The following DPH7 variants were observed in gnomAD, a reference collection of about 807,000 sequenced individuals.
The protein encoded by DPH7 is diphthine methyltransferase.
A neutral mutation model predicts 41.7 loss-of-function variants in DPH7; 44 were observed. The observed-to-expected ratio is 1.05, with a 90% CI of 0.83 to 1.36. DPH7 has a LOEUF of 1.36. DPH7 is among the 40% of genes most tolerant of loss of function. DPH7 has a pLI of 0.00. For synonymous variants in DPH7, 275 were observed against 238.0 expected (o/e 1.16, Z -1.43); for missense variants, 629 against 577.5 (o/e 1.09, Z -0.91).
chr9:137,574,988 C>T (rs1841129596), intron 3 of DPH7, 145 bp from the exon 4 acceptor site: 4 of 1,450,034 alleles, frequency 2.8e-6, no homozygotes, highest in African/African-American at 1.4e-5. Flanking sequence ...CACACCTCCA[C>T]CTAACACTGA....
intron 1 of DPH7, chr9:137,577,926 C>A (rs974191380): frequency 9.2e-6 from 9 of 977,750 alleles, no homozygotes; most frequent in Non-Finnish European, 1.1e-5. Flanking sequence ...TAATATGTAC[C>A]CACCAGAAGT....
At chr9:137,569,675 C>G (rs1840061392) in intron 5 of DPH7, among the ~76,000 whole-genome samples, 1 of 143,962 alleles carries the variant, frequency 6.9e-6, no homozygotes, top group Non-Finnish European at 1.5e-5. Flanking sequence ...ACCCACGACC[C>G]ACCACCCACC....
Position 137,555,659 on chromosome 9 carries a change from A to C in DPH7, c.950-11T>G. The stretch of plus-strand genomic sequence containing the variant: ...CCTCCTGCCTCTCCTCTGGAGTGAG[A>C]GATGGGAGAACCCAGGAAACACAAC... On this transcript the variant is annotated splice_polypyrimidine_tract_variant and intron_variant, in intron 8 of 8. Coordinates refer to ENST00000277540, the MANE Select transcript of DPH7 (RefSeq NM_138778.5). 6.4e-7 allele frequency: 1 copy of C among 1,572,226 alleles called. No homozygotes were observed. The highest frequency in any genetic ancestry group is 8.6e-7 in the Non-Finnish European group (1 of 1,156,222).
Position 137,564,604 on chromosome 9 carries a change from T to G in DPH7, c.779A>C (p.Tyr260Ser). ...GTCCCACAGTAGGATGTGTTCATCA[T>G]AGCTGAAACCGACCAACCACAGGAG... ...HREHILATGS[Y>S]DEHILLWDTR... is the part of the protein sequence containing the mutation. Residue 260 changes from tyrosine to serine, a missense_variant and splice_region_variant, in exon 8 of 9, where the codon TAT (tyrosine) becomes TCT (serine). Physicochemically the swap from Tyr to Ser is moderately radical, Grantham distance 144 (BLOSUM62 -2). Coordinates refer to ENST00000277540, the MANE Select transcript of DPH7 (RefSeq NM_138778.5). 1 of 1,609,150 alleles carries G rather than the reference T, an allele frequency of 6.2e-7. No homozygotes were observed. The highest frequency in any genetic ancestry group is 2.2e-5 in the East Asian group (1 of 44,692).
intron 7 of DPH7, 70 bp from the exon 8 acceptor site, chr9:137,564,676 G>T (rs1839254916): frequency 1.3e-6 from 2 of 1,565,098 alleles, no homozygotes; most frequent in African/African-American, 1.4e-5. Context: ...GGCCCCTGGG[G>T]GGCACAGAAC....
intron 2 of DPH7, 77 bp from the exon 3 acceptor site, chr9:137,576,244 T>C: frequency 3.0e-6 from 4 of 1,331,908 alleles, no homozygotes; most frequent in South Asian, 1.2e-5. Context: ...GTAACCACAG[T>C]CACGCTTCCC....
In DPH7 at chr9:137,564,800, A is replaced by C. The variant is rs1588857456; in HGVS notation, c.776+93T>G. On this transcript the variant is annotated intron_variant, in intron 7 of 8. Coordinates refer to ENST00000277540, the MANE Select transcript of DPH7 (RefSeq NM_138778.5). ...GACGAAATGCTGCAATGGTGCCAGG[A>C]GGAAAGGCAGCGAAAGAGGGAAGAA... is the stretch of plus-strand genomic sequence containing the variant. The C allele has an allele frequency of 4.8e-6, 7 of 1,468,892 alleles. No individual in the cohort carries two copies. The East Asian group carries it at 1.7e-4, about 36-fold the overall frequency. The allele number at this position is 1,468,892 out of a possible 1,614,324, so 91.0% of individuals were successfully genotyped here. A position where few individuals can be genotyped will look rare whatever the true frequency, so the allele number is the denominator to read the frequency against.
Position 137,556,913 on chromosome 9 carries a change from C to G in DPH7, c.950-1265G>C. ...TGGACGGAAGACACTGTTGCGACCC[C>G]AAGAATGGGAGGCCCTTTCTGATTA... is the stretch of plus-strand genomic sequence containing the variant. On this transcript the variant is annotated intron_variant, in intron 8 of 8. Transcript: ENST00000277540. The surrounding 1 kb of genome is among the most constrained non-coding windows in gnomAD (Gnocchi z 5.2). 1 of 456,232 alleles carries G rather than the reference C, an allele frequency of 2.2e-6. No individual in the cohort carries two copies. The highest frequency in any genetic ancestry group is 4.4e-6 in the Non-Finnish European group (1 of 226,842). The allele number at this position is 456,232 out of a possible 1,614,324, so 28.3% of individuals were successfully genotyped here. A position where few individuals can be genotyped will look rare whatever the true frequency, so the allele number is the denominator to read the frequency against.
chr9:137,575,758 A>G (rs2133205826), intron 3 of DPH7: 1 of 1,122,586 alleles, frequency 8.9e-7, no homozygotes, highest in East Asian at 4.9e-5. Flanking sequence ...CAGGATGCTC[A>G]CTGCTACTCT....
chr9:137,575,002 C>T (rs1841130622), intron 3 of DPH7, 159 bp from the exon 4 acceptor site: 2 of 1,428,732 alleles, frequency 1.4e-6, no homozygotes, highest in African/African-American at 2.9e-5. Context: ...ACACTGAAAC[C>T]CCTGCTAGGG....
At chr9:137,559,559 G>A (rs541636564) in intron 8 of DPH7, among the ~76,000 whole-genome samples, 259 of 152,294 alleles carry the variant, frequency 1.7e-3, no homozygotes, top group Admixed American at 3.9e-3. Flanking sequence ...CTCCTTGTCC[G>A]CCTTCATGTT....
At chr9:137,564,658 T>G in intron 7 of DPH7, 52 bp from the exon 8 acceptor site, 1 of 1,583,766 alleles carries the variant, frequency 6.3e-7, no homozygotes, top group Non-Finnish European at 8.6e-7. Context: ...GGCTCACCTG[T>G]TCCACAAGGC....
rs1196412146 is a variant in DPH7 at position 137,554,459 on chromosome 9, T to C, written c.*780A>G. 6.6e-6 allele frequency among the ~76,000 whole-genome samples: 1 copy of C among 152,126 alleles called. No individual in the cohort carries two copies. The highest frequency in any genetic ancestry group is 2.4e-5 in the African/African-American group (1 of 41,410). ...TTGTCCTCAATTATTGTTTATACAA[T>C]TTTTTATTATTTAATTTTTAGAGAT... On this transcript the variant is annotated 3_prime_UTR_variant, in exon 9 of 9. Transcript: ENST00000277540.
intron 5 of DPH7, among the ~76,000 whole-genome samples, chr9:137,568,917 G>A (rs80150317): frequency 0.013 from 1,910 of 152,190 alleles, 16 homozygotes; most frequent in Non-Finnish European, 0.022. Context: ...CCAGATCAGA[G>A]CCCTGAACAG....
At chr9:137,576,747 G>A (rs1342363812) in intron 2 of DPH7, among the ~76,000 whole-genome samples, 4 of 152,256 alleles carry the variant, frequency 2.6e-5, no homozygotes, top group Admixed American at 2.0e-4. Context: ...AAAATAAGCC[G>A]GGTGTGGTGG....
Position 137,559,939 on chromosome 9 carries a change from G to A in DPH7, c.950-4291C>T, listed in dbSNP as rs535666763. On this transcript the variant is annotated intron_variant, in intron 8 of 8. Coordinates refer to ENST00000277540, the MANE Select transcript of DPH7 (RefSeq NM_138778.5). The stretch of plus-strand genomic sequence containing the variant: ...GTCTTTATTTCTACACTCTCTCGTC[G>A]CCGCACACAGGGAGAAGCCCACTGA... Among the ~76,000 whole-genome samples the A allele has an allele frequency of 3.4e-4, 51 of 152,208 alleles. 1 individual carries two copies. The highest frequency in any genetic ancestry group is 1.2e-3 in the African/African-American group (48 of 41,516).
chr9:137,576,783 G>C (rs1483405349), intron 2 of DPH7, among the ~76,000 whole-genome samples: 1 of 152,124 alleles, frequency 6.6e-6, no homozygotes, highest in Non-Finnish European at 1.5e-5. Context: ...CGAGCTCTTA[G>C]GGAGGCTGAC....
Position 137,555,183 on chromosome 9 carries a change from T to TCA in DPH7, c.*54_*55dup. ...TCTCTGATGAGGTGGTCCCGGGCACTCACTCGCAGTCTCCCTCCTGGTTTC... is the reference window on the plus strand; with the variant it reads ...TCTCTGATGAGGTGGTCCCGGGCACTCACACTCGCAGTCTCCCTCCTGGTTTC... On this transcript the variant is annotated 3_prime_UTR_variant, in exon 9 of 9. Transcript: ENST00000277540. 6.5e-7 allele frequency: 1 copy of TCA among 1,535,704 alleles called. No individual in the cohort carries two copies. Among genetic ancestry groups the TCA allele is most frequent in the Non-Finnish European group, 8.8e-7 (1 of 1,140,362 alleles).
chr9:137,576,008 C>G, intron 3 of DPH7, 72 bp downstream of exon 3: 1 of 1,600,352 alleles, frequency 6.2e-7, no homozygotes, highest in Non-Finnish European at 8.5e-7. Flanking sequence ...ATGTCTGTAT[C>G]AGCACAGCCT....
Sources: gnomAD v4.1 joint callset for allele counts (sites outside exome capture counted in the v4.1 genomes callset) on GRCh38, gnomAD v4.1.1 for gene constraint, Gnocchi (gnomAD v3.1) non-coding constraint, MANE v1.5 for transcripts, NCBI Gene and HGNC (gene_info 2026-07-23, HGNC 2026-07-21) for gene names.